The following PLEKHH1 variants were observed in gnomAD, a reference collection of about 807,000 sequenced individuals.
The protein encoded by PLEKHH1 is pleckstrin homology, MyTH4 and FERM domain containing H1.
PLEKHH1 carries 104 observed loss-of-function variants against 160.0 expected under a neutral mutation model. The ratio of observed to expected loss-of-function variants is 0.65; its 90% CI spans 0.55 to 0.76. PLEKHH1 has a LOEUF of 0.76. Ranked by LOEUF, PLEKHH1 falls within the 30% of genes least tolerant of loss-of-function variation. The pLI, the probability that PLEKHH1 is intolerant of heterozygous loss-of-function variation, is 0.00. For synonymous variants in PLEKHH1, 619 were observed against 678.4 expected, an observed-to-expected ratio of 0.91 and a Z score of 1.36; for missense variants, 1,427 against 1,724.1, an observed-to-expected ratio of 0.83 and a Z score of 3.05.
rs776365731 is a variant in PLEKHH1, at chr14:67,571,878, G to C, written c.1561G>C (p.Gly521Arg). 1.9e-6 allele frequency: 3 copies of C among 1,612,000 alleles called. No individual in the cohort carries two copies. The African/African-American group carries it at 4.0e-5, about 22-fold the overall frequency. Residue 521 changes from glycine (G) to arginine (R), a missense_variant, in exon 10 of 29, where the codon GGC becomes CGC. Transcript: ENST00000329153. ...TGAGTCCAGGAAGACCAGCGGACTA[G>C]GCAGCCCCCGGGCCATCAAGAGAGG... is the stretch of plus-strand genomic sequence containing the variant. The part of the protein sequence containing the change: ...SSESRKTSGL[G>R]SPRAIKRGVS...
chr14:67,584,210 C>A, intron 26 of PLEKHH1, 86 bp downstream of exon 26: 1 of 1,387,680 alleles, frequency 7.2e-7, no homozygotes, highest in Non-Finnish European at 1.0e-6. Flanking sequence ...GCAGCCCCTA[C>A]CTCCATACCA....
intron 7 of PLEKHH1, 122 bp downstream of exon 7, chr14:67,563,016 A>C (rs1414901141): frequency 2.0e-6 from 2 of 1,004,146 alleles, no homozygotes; most frequent in African/African-American, 3.2e-5. Flanking sequence ...TGGCCCTGGC[A>C]GGCAGGTACC....
Position 67,579,809 on chromosome 14 carries a change from G to A in PLEKHH1, c.3116G>A (p.Gly1039Asp). ...EIGMRKPSHS[G>D]FALFTDDPSG... ...GGCATGAGAAAGCCATCCCACTCTG[G>A]CTTTGCCCTCTTCACGGACGATCCC... The change falls in exon 22 of 29, where the codon GGC (glycine) becomes GAC (aspartate). Residue 1039 changes from glycine (G) to aspartate (D), a missense_variant. Gly to Asp is a moderately conservative substitution (Grantham distance 94). Around this residue, in one of 6 missense-constraint regions of PLEKHH1, gnomAD observed 436 missense variants for 607.5 expected, o/e 0.72. Transcript: ENST00000329153. 6.2e-7 allele frequency: 1 copy of A among 1,610,830 alleles called. No homozygotes were observed. Among genetic ancestry groups the A allele is most frequent in the Non-Finnish European group, 8.5e-7 (1 of 1,178,630 alleles).
chr14:67,557,313 T>C lies in PLEKHH1; in HGVS notation c.234T>C (p.Asn78=). ...EEKVKLSNLK[N]VDSEGSLHRK... Reference sequence around the variant, plus strand: ...AGGTAAAACTATCCAATCTGAAGAATGTGGACTCTGAGGGGAGCCTGCACC... The same window carrying C: ...AGGTAAAACTATCCAATCTGAAGAACGTGGACTCTGAGGGGAGCCTGCACC... The change falls in exon 4 of 29, where the codon AAT becomes AAC. Residue 78 remains asparagine (N), a synonymous_variant. Transcript: ENST00000329153. 6.2e-7 allele frequency: 1 copy of C among 1,613,786 alleles called. No homozygotes were observed. Among genetic ancestry groups the C allele is most frequent in the Non-Finnish European group, 8.5e-7 (1 of 1,179,682 alleles).
At chr14:67,569,869 C>G in intron 8 of PLEKHH1, 52 bp from the exon 9 acceptor site, 1 of 1,174,456 alleles carries the variant, frequency 8.5e-7, no homozygotes, top group South Asian at 1.3e-5. Flanking sequence ...TCCCCCACAC[C>G]CCTTCCTGGG....
intron 7 of PLEKHH1, 144 bp from the exon 8 acceptor site, chr14:67,568,994 G>C: frequency 1.7e-6 from 1 of 595,624 alleles, no homozygotes; most frequent in East Asian, 2.8e-5. Flanking sequence ...CAGAAATGAA[G>C]TAACTTGCCC....
At position 67,571,387 on chromosome 14, in the gene PLEKHH1, A is replaced by G. The variant is rs546716726; in HGVS notation, c.1435-365A>G. ...TTAAATGTTTGCCAATGGAGATGCA[A>G]TCATTGATTGTTGCGACGTCCCCAC... On this transcript the variant is annotated intron_variant, in intron 9 of 28. Coordinates refer to ENST00000329153, the MANE Select transcript of PLEKHH1 (RefSeq NM_020715.3). 7 of 207,050 alleles carry G rather than the reference A, an allele frequency of 3.4e-5. No homozygotes were observed. In the South Asian group the frequency reaches 8.1e-4, roughly 24 times the overall value. The allele number at this position is 207,050 out of a possible 1,614,324, so 12.8% of individuals were successfully genotyped here.
At chr14:67,575,630 TG>T in intron 15 of PLEKHH1, 158 bp downstream of exon 15, 1 of 710,132 alleles carries the variant, frequency 1.4e-6, no homozygotes. Flanking sequence ...TCTGCCTGTC[TG>T]GGTCTCTGGT....
At chr14:67,567,270 A>T (rs1165196908) in intron 7 of PLEKHH1, among the ~76,000 whole-genome samples, 1 of 152,180 alleles carries the variant, frequency 6.6e-6, no homozygotes, top group African/African-American at 2.4e-5. Context: ...GTCAGAGAAC[A>T]TTTCTCAATC....
At chr14:67,545,687 A>G (rs1393361634) in intron 2 of PLEKHH1, among the ~76,000 whole-genome samples, 1 of 152,246 alleles carries the variant, frequency 6.6e-6, no homozygotes, top group East Asian at 1.9e-4. Context: ...AAACATATTC[A>G]GTGTATTTGT....
intron 1 of PLEKHH1, among the ~76,000 whole-genome samples, chr14:67,535,608 G>A (rs1016385324): frequency 2.0e-5 from 3 of 151,986 alleles, no homozygotes; most frequent in African/African-American, 7.2e-5. Context: ...TTGAACTCCT[G>A]ACCTCAGGTA....
At chr14:67,586,776 C>T (rs1481736639) in intron 28 of PLEKHH1, 6 of 1,353,948 alleles carry the variant, frequency 4.4e-6, no homozygotes, top group Admixed American at 2.7e-5. Flanking sequence ...ATCTCCAGAT[C>T]CCTTTCTTAA....
Position 67,581,048 on chromosome 14 carries a change from A to G in PLEKHH1, c.3284+10A>G. 6.4e-7 allele frequency: 1 copy of G among 1,571,458 alleles called. No individual in the cohort carries two copies. The highest frequency in any genetic ancestry group is 8.8e-7 in the Non-Finnish European group (1 of 1,141,248). ...TGATGTACAAGAACAGGTCCTAAGC[A>G]CTGCACGAGGGTGGGGCCAAACACA... On this transcript the variant is annotated intron_variant, in intron 23 of 28. Coordinates refer to ENST00000329153, the MANE Select transcript of PLEKHH1 (RefSeq NM_020715.3).
intron 28 of PLEKHH1, 34 bp downstream of exon 28, chr14:67,586,131 G>A: frequency 8.1e-6 from 13 of 1,610,004 alleles, no homozygotes; most frequent in Non-Finnish European, 1.1e-5. Flanking sequence ...GTTCTACTCT[G>A]GCAAGATGTG....
Position 67,562,772 on chromosome 14 carries a change from G to A in PLEKHH1, c.1141G>A (p.Glu381Lys). 2 of 1,613,846 alleles carry A rather than the reference G, an allele frequency of 1.2e-6. No individual in the cohort carries two copies. The highest frequency in any genetic ancestry group is 1.1e-5 in the South Asian group (1 of 91,058). The change falls in exon 7 of 29, where the codon GAG (glutamate) becomes AAG (lysine). Residue 381 changes from glutamate (E) to lysine (K), a missense_variant. Glu to Lys is a moderately conservative substitution (Grantham distance 56, BLOSUM62 1). Transcript: ENST00000329153. ...GGAACCAGAGAAGATGGAGATGGAGGAGCCACCCCCAGCAGGGAAGAATGA... is the reference window on the plus strand; with the variant it reads ...GGAACCAGAGAAGATGGAGATGGAGAAGCCACCCCCAGCAGGGAAGAATGA... ...REEPEKMEME[E>K]PPPAGKNEER...
chr14:67,568,775 C>T lies in PLEKHH1; in HGVS notation c.1264-363C>T, dbSNP rs183077629. Among the ~76,000 whole-genome samples the T allele has an allele frequency of 2.6e-3, 394 of 152,128 alleles. 5 individuals are homozygous for T. Among genetic ancestry groups the T allele is most frequent in the African/African-American group, 9.1e-3 (376 of 41,514 alleles). On this transcript the variant is annotated intron_variant, in intron 7 of 28. Coordinates refer to ENST00000329153, the MANE Select transcript of PLEKHH1 (RefSeq NM_020715.3). ...TCTTGAGACCCAAGGGTCTCTAAAA[C>T]GGGTAGGATTCAGAGCAACAGTTTA...
In PLEKHH1 at chr14:67,578,510, C is replaced by A; in HGVS notation, c.2752-24C>A. 6.5e-7 allele frequency: 1 copy of A among 1,537,788 alleles called. No individual in the cohort carries two copies. Among genetic ancestry groups the A allele is most frequent in the South Asian group, 1.2e-5 (1 of 86,572 alleles). The stretch of plus-strand genomic sequence containing the variant: ...TGGTGCTGTAGGCCCAGCACTCACC[C>A]CACGCTGTCTGTGTCCCTGGCAGTG... On this transcript the variant is annotated intron_variant, in intron 19 of 28. Transcript: ENST00000329153. This position sits in a 1 kb window ranked among gnomAD's most constrained non-coding sequence, Gnocchi z 5.0.
In PLEKHH1 at chr14:67,562,180, C is replaced by T. The variant is rs772903303; in HGVS notation, c.549C>T (p.Tyr183=). The T allele has an allele frequency of 1.2e-5, 19 of 1,611,464 alleles. No individual in the cohort carries two copies. The Admixed American group carries it at 1.3e-4, about 11-fold the overall frequency. The change falls in exon 7 of 29, where the codon TAC becomes TAT. Residue 183 remains tyrosine (Y), a synonymous_variant. Transcript: ENST00000329153. ...APSRKLLVPP[Y]GAAEQDSVPS... The stretch of plus-strand genomic sequence containing the variant: ...CACGGAAGCTGCTGGTGCCCCCCTA[C>T]GGAGCTGCAGAGCAGGATTCTGTCC...
Position 67,580,985 on chromosome 14 carries a change from C to T in PLEKHH1, c.3231C>T (p.His1077=), listed in dbSNP as rs1357727154. 2.5e-6 allele frequency: 4 copies of T among 1,613,480 alleles called. No individual in the cohort carries two copies. Among genetic ancestry groups the T allele is most frequent in the Non-Finnish European group, 3.4e-6 (4 of 1,179,554 alleles). ...SKWEQAMKEL[H]PGKSEGGTRV... Reference sequence around the variant, plus strand: ...GGGAACAAGCCATGAAGGAGCTGCACCCCGGAAAGTCTGAGGGTGGGACAC... The same window carrying T: ...GGGAACAAGCCATGAAGGAGCTGCATCCCGGAAAGTCTGAGGGTGGGACAC... Residue 1077 remains histidine, a synonymous_variant, in exon 23 of 29, where the codon CAC becomes CAT. Transcript: ENST00000329153.
Sources: allele counts gnomAD v4.1 joint callset (sites outside exome capture counted in the v4.1 genomes callset), GRCh38; gene constraint gnomAD v4.1.1; regional missense constraint gnomAD v4.1.1; non-coding constraint Gnocchi (gnomAD v3.1); transcripts MANE v1.5; gene names NCBI Gene and HGNC (gene_info 2026-07-23, HGNC 2026-07-21).